Variants in DCC observed in about 807,000 individuals in gnomAD.
DCC encodes netrin receptor DCC.
In DCC, 58 loss-of-function variants were observed where a neutral mutation model predicts 172.5. The ratio of observed to expected loss-of-function variants is 0.34; its 90% CI spans 0.27 to 0.42. DCC has a LOEUF of 0.42. Among genes scored for constraint, DCC ranks in the 10% least tolerant of loss-of-function variants. The pLI, the probability that DCC is intolerant of heterozygous loss-of-function variation, is 1.00. For missense variants in DCC, 1,740 were observed against 1,791.0 expected, an observed-to-expected ratio of 0.97 and a Z score of 0.51; for synonymous variants, 709 against 644.5, an observed-to-expected ratio of 1.10 and a Z score of -1.52.
intron 2 of DCC, among the ~76,000 whole-genome samples, chr18:52,829,313 G>A (rs568166799): frequency 4.6e-5 from 7 of 152,268 alleles, no homozygotes; most frequent in African/African-American, 7.2e-5. Flanking sequence ...AGTAGGATCC[G>A]TATGCTGGTA....
At chr18:52,376,979 T>G (rs1985376364) in intron 1 of DCC, among the ~76,000 whole-genome samples, 1 of 152,194 alleles carries the variant, frequency 6.6e-6, no homozygotes, top group Non-Finnish European at 1.5e-5. Flanking sequence ...AGCGGCTACA[T>G]CTGATGCCTA....
At chr18:52,459,258 G>T (rs542817126) in intron 1 of DCC, among the ~76,000 whole-genome samples, 1 of 151,914 alleles carries the variant, frequency 6.6e-6, no homozygotes, top group East Asian at 1.9e-4. Flanking sequence ...AAGTGAACTT[G>T]TTCCATGTGG....
At chr18:53,386,006 T>C (rs1184534357) in intron 15 of DCC, 37 bp from the exon 16 acceptor site, 1 of 1,317,056 alleles carries the variant, frequency 7.6e-7, no homozygotes, top group Non-Finnish European at 1.1e-6. Flanking sequence ...ACATTAAATA[T>C]ATCAACACGT....
At chr18:52,874,212 TTAA>T (rs1252055202) in intron 2 of DCC, among the ~76,000 whole-genome samples, 17 of 152,336 alleles carry the variant, frequency 1.1e-4, no homozygotes, top group African/African-American at 3.8e-4. Flanking sequence ...GTAGTGTATG[TTAA>T]TAATATTTTT....
intron 2 of DCC, among the ~76,000 whole-genome samples, chr18:52,817,664 A>G (rs1296717138): frequency 6.6e-6 from 1 of 152,140 alleles, no homozygotes; most frequent in African/African-American, 2.4e-5. Flanking sequence ...ATGAAAACGT[A>G]TTTGCCTAAT....
intron 1 of DCC, among the ~76,000 whole-genome samples, chr18:52,499,458 C>G (rs2849190): frequency 3.9e-5 from 6 of 152,130 alleles, no homozygotes; most frequent in Admixed American, 1.3e-4. Flanking sequence ...AAGTGGCAGC[C>G]TTATCTTCAC....
intron 12 of DCC, among the ~76,000 whole-genome samples, chr18:53,253,070 A>G (rs1319958432): frequency 6.6e-6 from 1 of 151,964 alleles, no homozygotes; most frequent in Non-Finnish European, 1.5e-5. Context: ...ATTGTATGTC[A>G]GAATATAACA....
rs1195500239 is a variant in DCC, at chr18:53,006,505, T to A, written c.986-56800T>A. Among the ~76,000 whole-genome samples, 10 of 152,286 alleles carry A rather than the reference T, an allele frequency of 6.6e-5. No homozygotes were observed. The East Asian group carries it at 1.7e-3, about 26-fold the overall frequency. On this transcript the variant is annotated intron_variant, in intron 5 of 28. Transcript: ENST00000442544. ...AGATGTATTTTTGTGATAGAAATAT[T>A]TCCTGGGAAAATGTAAACTTGGGGT...
intron 1 of DCC, among the ~76,000 whole-genome samples, chr18:52,459,882 CAT>C (rs34562886): frequency 5.2e-4 from 78 of 148,624 alleles, no homozygotes; most frequent in African/African-American, 1.6e-3. Context: ...GCATAGTATT[CAT>C]ATATATATAT....
intron 12 of DCC, among the ~76,000 whole-genome samples, chr18:53,261,949 A>G (rs1178709304): frequency 6.6e-6 from 1 of 152,190 alleles, no homozygotes; most frequent in African/African-American, 2.4e-5. Context: ...ATAGGGACTT[A>G]CCAATAAAAG....
chr18:53,079,953 T>C (rs746870478), intron 7 of DCC, among the ~76,000 whole-genome samples: 1 of 152,164 alleles, frequency 6.6e-6, no homozygotes, highest in Non-Finnish European at 1.5e-5. Flanking sequence ...ATTGGACTTT[T>C]TGTCTAGACT....
At chr18:53,048,575 G>GTATA (rs143836781) in intron 5 of DCC, among the ~76,000 whole-genome samples, 41 of 148,490 alleles carry the variant, frequency 2.8e-4, no homozygotes, top group Middle Eastern at 3.5e-3. Context: ...ATGTATGTGT[G>GTATA]TGTATATATA....
rs1491493239 is a variant in DCC at position 52,927,075 on chromosome 18, ATGTG to A, written c.985+1707_985+1710del. ...TATATACACATATATACACACATAT[ATGTG>A]TATATACACGTATATACGTGTATAT... On this transcript the variant is annotated intron_variant, in intron 5 of 28. Transcript: ENST00000442544. 1.5e-5 allele frequency among the ~76,000 whole-genome samples: 2 copies of A among 132,930 alleles called. 1 individual carries two copies. Among genetic ancestry groups the A allele is most frequent in the Non-Finnish European group, 3.3e-5 (2 of 60,622 alleles). The allele number at this position is 132,930 out of a possible 152,430, so 87.2% of individuals were successfully genotyped here.
chr18:53,128,594 T>C (rs977739287), intron 7 of DCC, among the ~76,000 whole-genome samples: 4 of 151,982 alleles, frequency 2.6e-5, no homozygotes, highest in African/African-American at 9.7e-5. Flanking sequence ...GCTTTTGTTT[T>C]GCTCTTTTGA....
chr18:53,515,989 C>T (rs1427006724), intron 27 of DCC, among the ~76,000 whole-genome samples: 2 of 150,458 alleles, frequency 1.3e-5, no homozygotes, highest in Non-Finnish European at 2.9e-5. Flanking sequence ...CCCGCATCAC[C>T]GAGTCAATCC....
chr18:52,345,736 G>A (rs1286669588), intron 1 of DCC, among the ~76,000 whole-genome samples: 1 of 152,174 alleles, frequency 6.6e-6, no homozygotes, highest in East Asian at 1.9e-4. Flanking sequence ...GCAAGGTCAG[G>A]GGGATTTGCC....
intron 1 of DCC, among the ~76,000 whole-genome samples, chr18:52,465,746 C>T (rs1384459696): frequency 6.7e-6 from 1 of 149,136 alleles, no homozygotes; most frequent in Non-Finnish European, 1.5e-5. Flanking sequence ...CTTCCCTCCT[C>T]TAACTTCCCT....
chr18:52,955,574 T>C (rs2040729337), intron 5 of DCC, among the ~76,000 whole-genome samples: 1 of 152,088 alleles, frequency 6.6e-6, no homozygotes, highest in Non-Finnish European at 1.5e-5. Flanking sequence ...AAGAGCATAA[T>C]TGCTGGATCA....
intron 2 of DCC, among the ~76,000 whole-genome samples, chr18:52,871,075 T>C (rs770833892): frequency 1.4e-4 from 21 of 152,154 alleles, no homozygotes; most frequent in Non-Finnish European, 2.5e-4. Flanking sequence ...AAAAGCCCCA[T>C]AGGGATGAGA....
Sources: allele counts gnomAD v4.1 joint callset (sites outside exome capture counted in the v4.1 genomes callset), GRCh38; gene constraint gnomAD v4.1.1; transcripts MANE v1.5; gene names NCBI Gene and HGNC (gene_info 2026-07-23, HGNC 2026-07-21).